The following MANBA variants were observed in gnomAD, a reference collection of about 807,000 sequenced individuals.
MANBA encodes beta-mannosidase.
MANBA carries 83 observed loss-of-function variants against 111.1 expected under a neutral mutation model. That is an observed-to-expected ratio of 0.75 (90% CI 0.63 to 0.90). The LOEUF is 0.90. Among genes scored for constraint, MANBA ranks in the 40% least tolerant of loss-of-function variants. The pLI, the probability that MANBA is intolerant of heterozygous loss-of-function variation, is 0.00. For missense variants in MANBA, 1,036 were observed against 1,069.0 expected (o/e 0.97, Z 0.43); for synonymous variants, 370 against 378.7 (o/e 0.98, Z 0.27).
chr4:102,714,038 A>G (rs1446641907), intron 5 of MANBA, among the ~76,000 whole-genome samples: 1 of 152,180 alleles, frequency 6.6e-6, no homozygotes, highest in Non-Finnish European at 1.5e-5. Context: ...GGTTATGAAG[A>G]AAATGTACAG....
chr4:102,713,975 A>G (rs1722213786), intron 5 of MANBA, among the ~76,000 whole-genome samples: 1 of 151,748 alleles, frequency 6.6e-6, no homozygotes, highest in South Asian at 2.1e-4. Context: ...TTAACTCTTC[A>G]CAAGGCTGTT....
At chr4:102,657,153 A>G (rs1389062148) in intron 12 of MANBA, among the ~76,000 whole-genome samples, 1 of 145,912 alleles carries the variant, frequency 6.9e-6, no homozygotes, top group Non-Finnish European at 1.5e-5. Flanking sequence ...AGGAACAGAG[A>G]GAGTGAAAAT....
At chr4:102,713,153 A>G (rs1016116820) in intron 5 of MANBA, among the ~76,000 whole-genome samples, 9 of 152,314 alleles carry the variant, frequency 5.9e-5, no homozygotes, top group Admixed American at 1.3e-4. Context: ...GCTCAATTGA[A>G]TAGCAAGCTA....
intron 5 of MANBA, among the ~76,000 whole-genome samples, chr4:102,695,967 C>T (rs1262594208): frequency 6.6e-6 from 1 of 152,056 alleles, no homozygotes; most frequent in Non-Finnish European, 1.5e-5. Flanking sequence ...GTGGCTCGTG[C>T]CTATAGTCCC....
chr4:102,645,694 T>C (rs1730072997), intron 13 of MANBA, among the ~76,000 whole-genome samples: 1 of 152,138 alleles, frequency 6.6e-6, no homozygotes. Context: ...CTTATCACCT[T>C]ATTTATTTTG....
chr4:102,641,142 A>G (rs1225426935), intron 13 of MANBA, among the ~76,000 whole-genome samples: 2 of 152,214 alleles, frequency 1.3e-5, no homozygotes, highest in Non-Finnish European at 2.9e-5. Context: ...CTGTAGAGTG[A>G]GGATTGGCCT....
At chr4:102,670,427 TATTAGAATA>T (rs1270759836) in intron 9 of MANBA, among the ~76,000 whole-genome samples, 5 of 152,196 alleles carry the variant, frequency 3.3e-5, no homozygotes, top group Admixed American at 2.6e-4. Flanking sequence ...GCATTATCAT[TATTAGAATA>T]ATTCCTAGTC....
intron 1 of MANBA, among the ~76,000 whole-genome samples, chr4:102,742,035 A>C (rs1178852595): frequency 3.3e-5 from 5 of 152,134 alleles, no homozygotes; most frequent in African/African-American, 1.2e-4. Context: ...TAATACTATG[A>C]GACACCCCAA....
intron 5 of MANBA, among the ~76,000 whole-genome samples, chr4:102,712,769 TCCA>T (rs1394712231): frequency 1.3e-5 from 2 of 152,166 alleles, no homozygotes; most frequent in Non-Finnish European, 2.9e-5. Context: ...GCTCAGGGAA[TCCA>T]CCCACTTTGG....
intron 13 of MANBA, among the ~76,000 whole-genome samples, chr4:102,646,308 G>A (rs544857597): frequency 1.3e-5 from 2 of 152,080 alleles, no homozygotes; most frequent in Non-Finnish European, 2.9e-5. Flanking sequence ...TAAAAGCTCA[G>A]TATGACCTGG....
chr4:102,643,857 G>A (rs937421452), intron 13 of MANBA, among the ~76,000 whole-genome samples: 11 of 152,042 alleles, frequency 7.2e-5, no homozygotes, highest in South Asian at 2.1e-4. Context: ...TCATTTTCTC[G>A]ATAGCGTCTT....
At chr4:102,640,266 C>T (rs543920289) in intron 13 of MANBA, among the ~76,000 whole-genome samples, 147 of 152,188 alleles carry the variant, frequency 9.7e-4, no homozygotes, top group African/African-American at 3.4e-3. Flanking sequence ...TTAAGAAAAA[C>T]TTTTACTAGA....
intron 1 of MANBA, among the ~76,000 whole-genome samples, chr4:102,742,705 C>T (rs1404917925): frequency 6.6e-6 from 1 of 152,216 alleles, no homozygotes; most frequent in Admixed American, 6.5e-5. Flanking sequence ...TATGTCAGTC[C>T]ATGAATGGTA....
chr4:102,657,797 T>A lies in MANBA; in HGVS notation c.1589A>T (p.Asp530Val). ...SQNPNSNYFG[D>V]VHFYDYISDC... The stretch of plus-strand genomic sequence containing the variant: ...ACTGATATAGTCATAAAAATGTACA[T>A]CACCAAAATAATTGCTATTAGGGTT... Residue 530 changes from aspartate to valine, a missense_variant, in exon 12 of 17, where the codon GAT becomes GTT. By Grantham distance (152) the Asp-to-Val change is radical. Transcript: ENST00000647097. 1 of 1,613,660 alleles carries A rather than the reference T, an allele frequency of 6.2e-7. No homozygotes were observed.
At chr4:102,679,858 A>C (rs901057233) in intron 7 of MANBA, 7 of 152,188 alleles carry the variant, frequency 4.6e-5, no homozygotes, top group Non-Finnish European at 1.0e-4. Context: ...CTCCAAAAAA[A>C]TGCAGTCATA....
rs546215395 is a variant in MANBA at position 102,737,478 on chromosome 4, T to G, written c.178-10795A>C. ...AGATGGGTAAGGCCTGTGGTGTTTT[T>G]TTTGTTTGTTTGTTTTTTTTTTGAA... is the stretch of plus-strand genomic sequence containing the variant. On this transcript the variant is annotated intron_variant, in intron 1 of 16. Transcript: ENST00000647097. 2.6e-5 allele frequency among the ~76,000 whole-genome samples: 4 copies of G among 151,856 alleles called. No individual in the cohort carries two copies. In the South Asian group the frequency reaches 8.3e-4, roughly 32 times the overall value.
At chr4:102,636,876 C>A (rs1407310607) in intron 14 of MANBA, among the ~76,000 whole-genome samples, 1 of 152,108 alleles carries the variant, frequency 6.6e-6, no homozygotes, top group Non-Finnish European at 1.5e-5. Flanking sequence ...TGCCCCTACC[C>A]AAATCTCATC....
At chr4:102,647,219 A>G (rs1246329575) in intron 13 of MANBA, among the ~76,000 whole-genome samples, 1 of 149,088 alleles carries the variant, frequency 6.7e-6, no homozygotes, top group African/African-American at 2.5e-5. Flanking sequence ...AATAATCATA[A>G]TCCTGATTTC....
chr4:102,657,417 G>C (rs1190785425), intron 12 of MANBA, among the ~76,000 whole-genome samples: 4 of 152,212 alleles, frequency 2.6e-5, no homozygotes, highest in Non-Finnish European at 4.4e-5. Context: ...GCAAGTAAGA[G>C]TTATTTCCGT....
Sources: gnomAD v4.1 joint callset for allele counts (sites outside exome capture counted in the v4.1 genomes callset) on GRCh38, gnomAD v4.1.1 for gene constraint, MANE v1.5 for transcripts, NCBI Gene and HGNC (gene_info 2026-07-23, HGNC 2026-07-21) for gene names.